The following CCNL1 variants were observed in gnomAD, a reference collection of about 807,000 sequenced individuals.
The protein encoded by CCNL1 is cyclin L1, also known as cyclin-L1.
In CCNL1, 13 loss-of-function variants were observed where a neutral mutation model predicts 60.6. That is an observed-to-expected ratio of 0.21 (90% CI 0.14 to 0.34). The LOEUF (loss-of-function observed/expected upper bound fraction) is 0.34, where lower values mean the gene tolerates loss of function less well. Ranked by LOEUF, CCNL1 falls within the 10% of genes least tolerant of loss-of-function variation. CCNL1 has a pLI of 1.00. For synonymous variants in CCNL1, 270 were observed against 244.3 expected, an observed-to-expected ratio of 1.10 and a Z score of -0.98; for missense variants, 481 against 664.3, an observed-to-expected ratio of 0.72 and a Z score of 3.03.
intron 4 of CCNL1, chr3:157,152,612 A>T (rs1355908433): frequency 3.7e-6 from 4 of 1,072,520 alleles, no homozygotes; most frequent in Non-Finnish European, 4.5e-6. Flanking sequence ...AATGAAAGCT[A>T]AGAGATGTTG....
chr3:157,152,780 T>C, intron 4 of CCNL1: 1 of 1,211,172 alleles, frequency 8.3e-7, no homozygotes, highest in Non-Finnish European at 1.0e-6. Context: ...AAACTGGGAC[T>C]TTAACCACAG....
chr3:157,148,403 T>G lies in CCNL1; in HGVS notation c.1419A>C (p.Arg473=), dbSNP rs774195037. The G allele has an allele frequency of 6.2e-7, 1 of 1,614,202 alleles. No homozygotes were observed. Among genetic ancestry groups the G allele is most frequent in the South Asian group, 1.1e-5 (1 of 91,088 alleles). Residue 473 remains arginine (R), a synonymous_variant, in exon 11 of 11, where the codon CGA becomes CGC. Transcript: ENST00000295926. ...HGHKRKKSRS[R]SQSKSRDHSD... is the part of the protein sequence containing the mutation. Reference sequence around the variant, plus strand: ...AGTGATCCCGAGACTTGCTCTGAGATCGAGAACGAGATTTTTTCCTTTTAT... The same window carrying G: ...AGTGATCCCGAGACTTGCTCTGAGAGCGAGAACGAGATTTTTTCCTTTTAT...
chr3:157,160,137 G>T lies in CCNL1; in HGVS notation c.-43C>A, dbSNP rs775530108. 1 of 1,521,182 alleles carries T rather than the reference G, an allele frequency of 6.6e-7. No individual in the cohort carries two copies. 94.2% of individuals were successfully genotyped at this position (1,521,182 alleles called of 1,614,324 possible). On this transcript the variant is annotated 5_prime_UTR_variant, in exon 1 of 11. Transcript: ENST00000295926. ...CGCAAGCCCAACGCAGCCGGAACCC[G>T]AAACAAGACTAACCAGCGTTCTCGG...
chr3:157,157,150 T>A, intron 3 of CCNL1: 1 of 1,253,722 alleles, frequency 8.0e-7, no homozygotes, highest in Non-Finnish European at 1.0e-6. Context: ...CGTGCTTGAG[T>A]AAACTTGTAA....
intron 8 of CCNL1, 40 bp downstream of exon 8, chr3:157,149,796 T>G: frequency 6.3e-7 from 1 of 1,592,370 alleles, no homozygotes; most frequent in Non-Finnish European, 8.5e-7. Flanking sequence ...AGACACACTT[T>G]CAGTGCCCCC....
In CCNL1 at chr3:157,147,999, T is replaced by C. The variant is rs530109989; in HGVS notation, c.*242A>G. The C allele has an allele frequency of 5.0e-4, 636 of 1,272,590 alleles. 7 individuals carry two copies. In the South Asian group the frequency reaches 0.015, roughly 30 times the overall value. The allele number at this position is 1,272,590 out of a possible 1,614,324, so 78.8% of individuals were successfully genotyped here. A position where few individuals can be genotyped will look rare whatever the true frequency, so the allele number is the denominator to read the frequency against. On this transcript the variant is annotated 3_prime_UTR_variant, in exon 11 of 11. Transcript: ENST00000295926. The stretch of plus-strand genomic sequence containing the variant: ...CTTATAGCAATAAACAATACACAAC[T>C]ATAATAAAGTACAATTGAACCTGAC...
intron 8 of CCNL1, 30 bp from the exon 9 acceptor site, chr3:157,149,626 A>G (rs1665875161): frequency 6.3e-6 from 10 of 1,590,392 alleles, no homozygotes; most frequent in Non-Finnish European, 8.6e-6. Flanking sequence ...CAACATGTTA[A>G]CTACTGGATT....
intron 1 of CCNL1, 48 bp from the exon 2 acceptor site, chr3:157,159,527 C>G: frequency 6.5e-7 from 1 of 1,533,310 alleles, no homozygotes; most frequent in Non-Finnish European, 8.9e-7. Flanking sequence ...GGCGGGCCCG[C>G]TCCAGGCGCC....
downstream of CCNL1, among the ~76,000 whole-genome samples, chr3:157,145,437 C>CAAAAAAAAAAAAAAAAAAAAA (rs56894231): frequency 9.5e-4 from 23 of 24,270 alleles, 2 homozygotes; most frequent in Non-Finnish European, 1.4e-3. Flanking sequence ...GACTTCATCT[C>CAAAAAAAAAAAAAAAAAAAAA]AAAAAAAAAA....
intron 3 of CCNL1, chr3:157,154,344 T>C (rs1326172237): frequency 6.6e-6 from 1 of 152,192 alleles, no homozygotes; most frequent in Non-Finnish European, 1.5e-5. Flanking sequence ...AAACTACTAT[T>C]TTATCAAGAC....
chr3:157,158,867 T>C lies in CCNL1; in HGVS notation c.487A>G (p.Arg163Gly), dbSNP rs751959107. 1 of 1,592,788 alleles carries C rather than the reference T, an allele frequency of 6.3e-7. No homozygotes were observed. Among genetic ancestry groups the C allele is most frequent in the Non-Finnish European group, 8.6e-7 (1 of 1,161,648 alleles). Residue 163 changes from arginine to glycine, a missense_variant and splice_region_variant, in exon 3 of 11, where the codon AGG becomes GGG. This residue lies in a region of CCNL1 where 130 missense variants were observed against 174.5 expected (regional missense o/e 0.75). Coordinates refer to ENST00000295926, the MANE Select transcript of CCNL1 (RefSeq NM_020307.4). ...TATGTTCAATAATGCCAATCTTACC[T>C]TTTTCCTCTTAACTGGCGGAGGTGG... ...FHHLRQLRGK[R>G]TPSPLILDQN... is the part of the protein sequence containing the mutation.
intron 5 of CCNL1, 122 bp downstream of exon 5, chr3:157,152,055 C>A: frequency 6.7e-7 from 1 of 1,484,108 alleles, no homozygotes; most frequent in Non-Finnish European, 8.9e-7. Context: ...AAAAACAAAA[C>A]AAAAAAACAA....
intron 5 of CCNL1, chr3:157,151,161 A>G (rs1370995058): frequency 2.0e-6 from 2 of 984,676 alleles, no homozygotes; most frequent in African/African-American, 3.5e-5. Flanking sequence ...ACATACTTAA[A>G]ATGTCATGCA....
At position 157,157,712 on chromosome 3, in the gene CCNL1, G is replaced by A. The variant is rs554573652; in HGVS notation, c.488+1154C>T. On this transcript the variant is annotated intron_variant, in intron 3 of 10. Transcript: ENST00000295926. ...ACAGTTAAGGTGAATGAGAAAAGAT[G>A]GGGGAGAAAAAGTATGTAGGAAAAC... Among the ~76,000 whole-genome samples, 11 of 152,254 alleles carry A rather than the reference G, an allele frequency of 7.2e-5. No homozygotes were observed. The South Asian group carries it at 2.3e-3, about 32-fold the overall frequency.
At chr3:157,157,821 T>C (rs912567958) in intron 3 of CCNL1, among the ~76,000 whole-genome samples, 5 of 152,234 alleles carry the variant, frequency 3.3e-5, no homozygotes, top group African/African-American at 9.6e-5. Flanking sequence ...CATCTTAAAG[T>C]TGCTTTAATA....
chr3:157,158,636 G>T (rs1738810883), intron 3 of CCNL1: 1 of 393,744 alleles, frequency 2.5e-6, no homozygotes. Context: ...GCACTGTTAG[G>T]ATTGTCCATA....
At chr3:157,152,352 G>C (rs1738257248) in intron 4 of CCNL1, 111 bp from the exon 5 acceptor site, 1 of 1,487,632 alleles carries the variant, frequency 6.7e-7, no homozygotes, top group Admixed American at 2.6e-5. Context: ...ATTGTGCATC[G>C]ATAATACAGA....
chr3:157,148,690 T>A, intron 10 of CCNL1, 101 bp from the exon 11 acceptor site: 1 of 1,039,456 alleles, frequency 9.6e-7, no homozygotes, highest in Non-Finnish European at 1.4e-6. Context: ...ACCAGCTACA[T>A]AAATGACAAA....
intron 4 of CCNL1, chr3:157,152,457 A>T: frequency 8.0e-7 from 1 of 1,249,068 alleles, no homozygotes; most frequent in Non-Finnish European, 1.0e-6. Context: ...ATTGTACAGG[A>T]AAAAAGGCAA....
Sources: gnomAD v4.1 joint callset for allele counts (sites outside exome capture counted in the v4.1 genomes callset) on GRCh38, gnomAD v4.1.1 for gene constraint, gnomAD v4.1.1 regional missense constraint, MANE v1.5 for transcripts, NCBI Gene and HGNC (gene_info 2026-07-23, HGNC 2026-07-21) for gene names.